Variants in PRKG1 observed in about 807,000 individuals in gnomAD.
PRKG1 encodes protein kinase cGMP-dependent 1, also known as cGMP-dependent protein kinase 1.
Under a neutral mutation model 88.1 loss-of-function variants are expected in PRKG1, and 35 were observed. That is an observed-to-expected ratio of 0.40 (90% CI 0.30 to 0.53). The LOEUF is 0.53. Among genes scored for constraint, PRKG1 ranks in the 20% least tolerant of loss-of-function variants. The pLI is 0.59. For missense variants in PRKG1, 540 were observed against 839.8 expected (o/e 0.64, Z 4.41); for synonymous variants, 303 against 292.5 (o/e 1.04, Z -0.37).
At chr10:51,482,028 A>G (rs1042411495) in intron 3 of PRKG1, among the ~76,000 whole-genome samples, 1 of 152,174 alleles carries the variant, frequency 6.6e-6, no homozygotes, top group Non-Finnish European at 1.5e-5. Context: ...CTTCGAAAGC[A>G]TTATTAAATT....
At chr10:52,093,794 T>C (rs1293136741) in intron 7 of PRKG1, among the ~76,000 whole-genome samples, 1 of 152,154 alleles carries the variant, frequency 6.6e-6, no homozygotes, top group East Asian at 1.9e-4. Context: ...CCAACTGTTA[T>C]ATATCATGTG....
Position 51,553,853 on chromosome 10 carries a change from GTGTATATAATA to G in PRKG1, c.592+86019_592+86029del, listed in dbSNP as rs1837211234. Among the ~76,000 whole-genome samples, 3 of 105,550 alleles carry G rather than the reference GTGTATATAATA, an allele frequency of 2.8e-5. No homozygotes were observed. The South Asian group carries it at 1.1e-3, about 39-fold the overall frequency. The allele number at this position is 105,550 out of a possible 152,430, so 69.2% of individuals were successfully genotyped here. A position where few individuals can be genotyped will look rare whatever the true frequency, so the allele number is the denominator to read the frequency against. The stretch of plus-strand genomic sequence containing the variant: ...TATAATATATGTATGTATTAGATAC[GTGTATATAATA>G]TATGTATGTATTAGATACGTGTATA... On this transcript the variant is annotated intron_variant, in intron 3 of 17. Transcript: ENST00000373980.
chr10:51,615,321 C>G (rs949748836), intron 3 of PRKG1, among the ~76,000 whole-genome samples: 1 of 152,036 alleles, frequency 6.6e-6, no homozygotes, highest in African/African-American at 2.4e-5. Flanking sequence ...GAAGACCTTT[C>G]TGCATTATAT....
intron 2 of PRKG1, among the ~76,000 whole-genome samples, chr10:51,398,675 T>G (rs1302077868): frequency 6.6e-6 from 1 of 152,218 alleles, no homozygotes; most frequent in East Asian, 1.9e-4. Flanking sequence ...GACTATACAT[T>G]ATTCTGGGTA....
At chr10:51,345,200 G>A (rs1000691854) in intron 2 of PRKG1, among the ~76,000 whole-genome samples, 10 of 152,064 alleles carry the variant, frequency 6.6e-5, no homozygotes, top group Non-Finnish European at 1.2e-4. Context: ...TATTTTAAAC[G>A]TTGCTTCTAA....
At chr10:51,760,091 T>C (rs1837979239) in intron 3 of PRKG1, among the ~76,000 whole-genome samples, 2 of 152,196 alleles carry the variant, frequency 1.3e-5, no homozygotes, top group Admixed American at 1.3e-4. Flanking sequence ...CAGAGCACAG[T>C]CTAAAAATGA....
intron 3 of PRKG1, among the ~76,000 whole-genome samples, chr10:51,570,343 A>G (rs1013923172): frequency 1.3e-5 from 2 of 151,888 alleles, no homozygotes; most frequent in African/African-American, 4.8e-5. Context: ...TATATACTGT[A>G]TTCTTACAAT....
At position 51,172,228 on chromosome 10, in the gene PRKG1, C is replaced by G. The variant is rs866705637; in HGVS notation, c.478+18898C>G. Among the ~76,000 whole-genome samples, 3 of 152,022 alleles carry G rather than the reference C, an allele frequency of 2.0e-5. No homozygotes were observed. In the South Asian group the frequency reaches 6.2e-4, roughly 31 times the overall value. ...CTAACTCTCAAAATCTCATCTAACA[C>G]TCTATTTAAGCTGAATGCTGCTGCT... On this transcript the variant is annotated intron_variant, in intron 2 of 17. Coordinates refer to ENST00000373980, the MANE Select transcript of PRKG1 (RefSeq NM_006258.4).
intron 3 of PRKG1, among the ~76,000 whole-genome samples, chr10:51,740,940 AG>A (rs34894040): frequency 0.31 from 46,924 of 150,720 alleles, 8,900 homozygotes; most frequent in Middle Eastern, 0.5. Flanking sequence ...AAAAAAAAAA[AG>A]CATCAAGAGA....
intron 9 of PRKG1, among the ~76,000 whole-genome samples, chr10:52,216,098 G>A (rs1840104763): frequency 6.6e-6 from 1 of 152,236 alleles, no homozygotes; most frequent in African/African-American, 2.4e-5. Context: ...AAGAGAGCTA[G>A]CAGACTTGGG....
intron 5 of PRKG1, among the ~76,000 whole-genome samples, chr10:51,946,015 T>G (rs1440849152): frequency 1.3e-5 from 2 of 151,798 alleles, no homozygotes; most frequent in Admixed American, 1.3e-4. Context: ...CTTGCTAGAT[T>G]GGGGAAGTTC....
At chr10:51,313,681 G>T (rs1210246276) in intron 2 of PRKG1, among the ~76,000 whole-genome samples, 1 of 152,156 alleles carries the variant, frequency 6.6e-6, no homozygotes, top group Non-Finnish European at 1.5e-5. Context: ...AGGGGGATTG[G>T]TTCCAGGACC....
intron 8 of PRKG1, among the ~76,000 whole-genome samples, chr10:52,144,975 G>A (rs1837692366): frequency 6.6e-6 from 1 of 152,126 alleles, no homozygotes; most frequent in African/African-American, 2.4e-5. Flanking sequence ...AATAGATAAA[G>A]AATAGAACAA....
chr10:51,570,049 G>GTATATATATATATATATGTATATA (rs1837706299), intron 3 of PRKG1, among the ~76,000 whole-genome samples: 1 of 128,798 alleles, frequency 7.8e-6, no homozygotes, highest in African/African-American at 3.5e-5. Context: ...ACCCAAACTA[G>GTATATATATATATATATGTATATA]TATATATATA....
intron 9 of PRKG1, among the ~76,000 whole-genome samples, chr10:52,222,914 C>T (rs1460902033): frequency 6.6e-6 from 1 of 152,168 alleles, no homozygotes; most frequent in Non-Finnish European, 1.5e-5. Context: ...GTCCTATAGG[C>T]TAACCCAGTT....
intron 5 of PRKG1, among the ~76,000 whole-genome samples, chr10:52,009,920 G>C (rs1263116106): frequency 6.6e-6 from 1 of 152,116 alleles, no homozygotes; most frequent in Non-Finnish European, 1.5e-5. Flanking sequence ...AAGCAATGGG[G>C]AAAGGACTCC....
At chr10:51,262,044 G>A (rs1332417116) in intron 2 of PRKG1, among the ~76,000 whole-genome samples, 1 of 151,690 alleles carries the variant, frequency 6.6e-6, no homozygotes, top group African/African-American at 2.4e-5. Context: ...CCGCCACTAT[G>A]CCCGGCTAAA....
chr10:51,853,822 A>C (rs1412331443), intron 4 of PRKG1, among the ~76,000 whole-genome samples: 1 of 152,116 alleles, frequency 6.6e-6, no homozygotes, highest in African/African-American at 2.4e-5. Context: ...TGTACTAAAC[A>C]CTTTTCCACA....
chr10:51,914,640 A>C (rs1842298453), intron 5 of PRKG1, among the ~76,000 whole-genome samples: 1 of 152,160 alleles, frequency 6.6e-6, no homozygotes, highest in Admixed American at 6.5e-5. Flanking sequence ...CCTTTAAAAC[A>C]TTTGATTAGA....
Sources: gnomAD v4.1 joint callset for allele counts (sites outside exome capture counted in the v4.1 genomes callset) on GRCh38, gnomAD v4.1.1 for gene constraint, MANE v1.5 for transcripts, NCBI Gene and HGNC (gene_info 2026-07-23, HGNC 2026-07-21) for gene names.